SVIL: variants seen among roughly 807,000 people sequenced by gnomAD.
SVIL encodes the protein archvillin.
A neutral mutation model predicts 240.4 loss-of-function variants in SVIL; 101 were observed. The ratio of observed to expected loss-of-function variants is 0.42; its 90% CI spans 0.36 to 0.50. SVIL has a LOEUF of 0.50. Ranked by LOEUF, SVIL falls within the 20% of genes least tolerant of loss-of-function variation. The pLI, the probability that SVIL is intolerant of heterozygous loss-of-function variation, is 0.01. For synonymous variants in SVIL, 999 were observed against 1,100.0 expected, an observed-to-expected ratio of 0.91 and a Z score of 1.82; for missense variants, 2,512 against 2,818.7, an observed-to-expected ratio of 0.89 and a Z score of 2.46.
At chr10:29,624,055 T>A (rs1433348842) in intron 1 of SVIL, among the ~76,000 whole-genome samples, 1 of 151,734 alleles carries the variant, frequency 6.6e-6, no homozygotes, top group Non-Finnish European at 1.5e-5. Flanking sequence ...ATATGACTAA[T>A]CAGAATGTGA....
chr10:29,700,752 C>T (rs902879001), intron 1 of SVIL, among the ~76,000 whole-genome samples: 3 of 152,114 alleles, frequency 2.0e-5, no homozygotes, highest in Admixed American at 6.5e-5. Flanking sequence ...GGATTACAGG[C>T]GTGAGTCACT....
At chr10:29,489,117 T>C (rs565900302) in intron 22 of SVIL, among the ~76,000 whole-genome samples, 3 of 152,202 alleles carry the variant, frequency 2.0e-5, no homozygotes, top group African/African-American at 7.2e-5. Context: ...CATGTCCAAA[T>C]GTATAGATGC....
intron 33 of SVIL, among the ~76,000 whole-genome samples, chr10:29,466,998 A>G (rs1264263856): frequency 2.6e-5 from 4 of 152,178 alleles, no homozygotes; most frequent in African/African-American, 7.2e-5. Flanking sequence ...TAACTTCTGT[A>G]TGCCTCAGTT....
chr10:29,609,892 A>G (rs1247438), intron 1 of SVIL, among the ~76,000 whole-genome samples: 63,944 of 152,040 alleles, frequency 0.42, 13,631 homozygotes, highest in African/African-American at 0.47. Flanking sequence ...AGCACATCTT[A>G]CTGGGCTGAG....
intron 2 of SVIL, among the ~76,000 whole-genome samples, chr10:29,658,972 T>C (rs1959081097): frequency 6.6e-6 from 1 of 152,188 alleles, no homozygotes. Flanking sequence ...TGGCTATGAC[T>C]TGGTCTATGT....
intron 1 of SVIL, among the ~76,000 whole-genome samples, chr10:29,607,133 T>C (rs1296691478): frequency 6.6e-6 from 1 of 152,246 alleles, no homozygotes; most frequent in African/African-American, 2.4e-5. Flanking sequence ...TTCTTCCTTA[T>C]GGTTACCCAG....
At chr10:29,482,219 GAC>G (rs1268928857) in intron 27 of SVIL, among the ~76,000 whole-genome samples, 1 of 151,868 alleles carries the variant, frequency 6.6e-6, no homozygotes, top group Non-Finnish European at 1.5e-5. Context: ...TTAAATATGA[GAC>G]AGGGGTCTCG....
At chr10:29,527,438 C>G (rs1951005178) in intron 12 of SVIL, among the ~76,000 whole-genome samples, 1 of 151,780 alleles carries the variant, frequency 6.6e-6, no homozygotes, top group Non-Finnish European at 1.5e-5. Context: ...CTTTCTTTTT[C>G]TTTTTTGGAG....
At chr10:29,509,337 GAGA>G (rs1949632199) in intron 17 of SVIL, among the ~76,000 whole-genome samples, 8 of 49,152 alleles carry the variant, frequency 1.6e-4, no homozygotes, top group Admixed American at 4.7e-4. Context: ...GAGGGAGAGA[GAGA>G]GAGAGAGAGA....
chr10:29,658,183 C>A (rs573126790), intron 2 of SVIL: 1 of 152,286 alleles, frequency 6.6e-6, no homozygotes, highest in South Asian at 2.1e-4. Flanking sequence ...TCTGCTGCCT[C>A]CAAAGAGCTT....
chr10:29,604,829 A>G (rs561026933), intron 1 of SVIL, among the ~76,000 whole-genome samples: 3 of 152,236 alleles, frequency 2.0e-5, no homozygotes, highest in African/African-American at 4.8e-5. Context: ...TGGGCCTCCC[A>G]AAATGCTGGG....
intron 1 of SVIL, among the ~76,000 whole-genome samples, chr10:29,719,109 A>G (rs975804392): frequency 2.6e-5 from 4 of 152,158 alleles, no homozygotes; most frequent in African/African-American, 7.2e-5. Context: ...CTCTGTCTCA[A>G]AACAAACAAA....
At chr10:29,512,897 C>A in intron 16 of SVIL, 36 bp from the exon 17 acceptor site, 1 of 1,600,408 alleles carries the variant, frequency 6.2e-7, no homozygotes, top group Non-Finnish European at 8.5e-7. Context: ...AAGAGTTCAG[C>A]ACCAAACTCT....
At chr10:29,566,638 C>T (rs949122762) in intron 2 of SVIL, among the ~76,000 whole-genome samples, 4 of 152,314 alleles carry the variant, frequency 2.6e-5, no homozygotes, top group Admixed American at 1.3e-4. Flanking sequence ...AAATTCAGGA[C>T]GGTTCATCAG....
rs760352171 is a variant in SVIL, at chr10:29,481,626, C to G, written c.5058G>C (p.Lys1686Asn). The change falls in exon 28 of 38, where the codon AAG (lysine) becomes AAC (asparagine). Residue 1686 changes from lysine (K) to asparagine (N), a missense_variant. This residue lies in a region of SVIL where 797 missense variants were observed against 925.3 expected (regional missense o/e 0.86). Transcript: ENST00000355867. ...CCCCGGGGTTCTTCTCATTCGATCT[C>G]TTCAGTTCCGTCCAATCCAGAAACT... ...KEKFLDWTELKRSNEKNPGEL... is the reference protein window; with the variant it reads ...KEKFLDWTELNRSNEKNPGEL... 1 of 1,614,140 alleles carries G rather than the reference C, an allele frequency of 6.2e-7. No individual in the cohort carries two copies. Among genetic ancestry groups the G allele is most frequent in the Non-Finnish European group, 8.5e-7 (1 of 1,180,036 alleles).
chr10:29,716,623 C>T (rs1256488839), intron 1 of SVIL, among the ~76,000 whole-genome samples: 3 of 152,166 alleles, frequency 2.0e-5, no homozygotes, highest in African/African-American at 4.8e-5. Context: ...GATGCCATCT[C>T]CCCTCGACAG....
In SVIL at chr10:29,526,824, A is replaced by C. The variant is rs188234906; in HGVS notation, c.2342+137T>G. On this transcript the variant is annotated intron_variant, in intron 13 of 37. Transcript: ENST00000355867. ...CAGCACCTTGTGCTATGACAAAACA[A>C]AATGCCACGCATTCTGGAACAACTC... 2.3e-4 allele frequency: 166 copies of C among 717,850 alleles called. No individual in the cohort carries two copies. In the African/African-American group the frequency reaches 2.9e-3, roughly 13 times the overall value. The allele number at this position is 717,850 out of a possible 1,614,324, so 44.5% of individuals were successfully genotyped here. A position where few individuals can be genotyped will look rare whatever the true frequency, so the allele number is the denominator to read the frequency against.
intron 25 of SVIL, 21 bp downstream of exon 25, chr10:29,486,389 T>C: frequency 6.2e-7 from 1 of 1,613,122 alleles, no homozygotes; most frequent in Non-Finnish European, 8.5e-7. Flanking sequence ...CGTCAATCTC[T>C]GAAGTACAAT....
At chr10:29,560,540 C>T (rs1243013567) in intron 3 of SVIL, among the ~76,000 whole-genome samples, 4 of 152,010 alleles carry the variant, frequency 2.6e-5, no homozygotes, top group African/African-American at 4.8e-5. Flanking sequence ...GAGGAAGTCC[C>T]GTAGAGAAAA....
Sources: allele counts gnomAD v4.1 joint callset (sites outside exome capture counted in the v4.1 genomes callset), GRCh38; gene constraint gnomAD v4.1.1; regional missense constraint gnomAD v4.1.1; transcripts MANE v1.5; gene names NCBI Gene and HGNC (gene_info 2026-07-23, HGNC 2026-07-21).